The following RDH5 variants were observed in gnomAD, a reference collection of about 807,000 sequenced individuals.
RDH5 encodes the protein 11-cis RDH.
A neutral mutation model predicts 24.0 loss-of-function variants in RDH5; 25 were observed. The ratio of observed to expected loss-of-function variants is 1.04; its 90% CI spans 0.76 to 1.46. The LOEUF (loss-of-function observed/expected upper bound fraction) is 1.46, where lower values mean the gene tolerates loss of function less well. Ranked by LOEUF, RDH5 falls within the 40% of genes most tolerant of loss-of-function variation. The pLI is 0.00. For synonymous variants in RDH5, 170 were observed against 175.2 expected, an observed-to-expected ratio of 0.97 and a Z score of 0.23; for missense variants, 369 against 410.3, an observed-to-expected ratio of 0.90 and a Z score of 0.87.
chr12:55,721,656 C>G lies in RDH5; in HGVS notation c.311-33C>G. 1.2e-6 allele frequency: 2 copies of G among 1,604,508 alleles called. No homozygotes were observed. The highest frequency in any genetic ancestry group is 1.3e-5 in the African/African-American group (1 of 75,042). ...AAGAGGGAGCTGTGGGAGTGCCTCA[C>G]CTACCCCCAGCATCCTTTTCATCTC... On this transcript the variant is annotated intron_variant, in intron 2 of 4. Transcript: ENST00000257895. The surrounding 1 kb of genome is among the most constrained non-coding windows in gnomAD (Gnocchi z 4.7).
intron 3 of RDH5, chr12:55,722,682 C>G (rs919852859): frequency 3.3e-5 from 5 of 151,976 alleles, no homozygotes; most frequent in Non-Finnish European, 5.9e-5. Context: ...CTTACAGGCA[C>G]GTGCCACCAC....
intron 3 of RDH5, chr12:55,722,649 C>A (rs1876982139): frequency 6.6e-6 from 1 of 151,990 alleles, no homozygotes; most frequent in African/African-American, 2.4e-5. Flanking sequence ...GATTCTCCTG[C>A]CTCAGCCTCC....
In RDH5 at chr12:55,721,844, G is replaced by T. The variant is rs1220616311; in HGVS notation, c.466G>T (p.Gly156Cys). ...ALLPLLQQAR[G>C]RVINITSVLG... ...GCTGCCTCTGCTGCAGCAAGCCCGG[G>T]GCCGGGTGATCAACATCACCAGCGT... The change falls in exon 3 of 5, where the codon GGC (glycine) becomes TGC (cysteine). Residue 156 changes from glycine to cysteine, a missense_variant. Transcript: ENST00000257895. This position sits in a 1 kb window ranked among gnomAD's most constrained non-coding sequence, Gnocchi z 4.7. 6 of 1,614,080 alleles carry T rather than the reference G, an allele frequency of 3.7e-6. No homozygotes were observed. In the South Asian group the frequency reaches 6.6e-5, roughly 18 times the overall value.
Position 55,721,712 on chromosome 12 carries a change from G to A in RDH5, c.334G>A (p.Ala112Thr). 6.2e-7 allele frequency: 1 copy of A among 1,612,574 alleles called. No homozygotes were observed. Among genetic ancestry groups the A allele is most frequent in the Non-Finnish European group, 8.5e-7 (1 of 1,180,026 alleles). ...EAGLFGLVNN[A>T]GVAGIIGPTP... ...AGGGCTTTTTGGTCTGGTGAATAAT[G>A]CTGGTGTGGCTGGTATCATCGGACC... Residue 112 changes from alanine to threonine, a missense_variant, in exon 3 of 5, where the codon GCT becomes ACT. Transcript: ENST00000257895. The surrounding 1 kb of genome is among the most constrained non-coding windows in gnomAD (Gnocchi z 4.7).
At chr12:55,724,085 G>C (rs1358340829) in intron 4 of RDH5, 36 bp downstream of exon 4, 2 of 1,597,218 alleles carry the variant, frequency 1.3e-6, no homozygotes, top group Non-Finnish European at 1.7e-6. Context: ...CACATGAAGG[G>C]AAACAAGTAC....
In RDH5 at chr12:55,724,195, G is replaced by A; in HGVS notation, c.734-127G>A. 2.8e-6 allele frequency: 4 copies of A among 1,447,652 alleles called. No homozygotes were observed. In the South Asian group the frequency reaches 3.6e-5, roughly 13 times the overall value. 89.7% of individuals were successfully genotyped at this position (1,447,652 alleles called of 1,614,324 possible). On this transcript the variant is annotated intron_variant, in intron 4 of 4. Coordinates refer to ENST00000257895, the MANE Select transcript of RDH5 (RefSeq NM_002905.5). ...TGTTACAAGAGTGCCCAGGCCATGT[G>A]GAACCTGCCCACTCCCCACACTGAG...
Position 55,721,962 on chromosome 12 carries a change from G to A in RDH5, c.569+15G>A. ...GACAGCCTGAGGTGAGGGGTACAGG[G>A]CTCTGGGTTCCAGGACTAACAGCAG... On this transcript the variant is annotated intron_variant, in intron 3 of 4. Coordinates refer to ENST00000257895, the MANE Select transcript of RDH5 (RefSeq NM_002905.5). This position sits in a 1 kb window ranked among gnomAD's most constrained non-coding sequence, Gnocchi z 4.7. The A allele has an allele frequency of 6.2e-7, 1 of 1,610,986 alleles. No individual in the cohort carries two copies. The highest frequency in any genetic ancestry group is 1.1e-5 in the South Asian group (1 of 90,562).
At position 55,724,441 on chromosome 12, in the gene RDH5, T is replaced by C; in HGVS notation, c.853T>C (p.Trp285Arg). The change falls in exon 5 of 5, where the codon TGG becomes CGG. Residue 285 changes from tryptophan to arginine, a missense_variant. By Grantham distance (101) the Trp-to-Arg change is moderately radical. Transcript: ENST00000257895. ...RHPRTRYSPGWDAKLLWLPAS... is the reference protein window; with the variant it reads ...RHPRTRYSPGRDAKLLWLPAS... ...CCCCCGAACCCGCTACAGCCCAGGT[T>C]GGGATGCCAAGCTGCTCTGGCTGCC... 1 of 1,614,150 alleles carries C rather than the reference T, an allele frequency of 6.2e-7. No homozygotes were observed. The highest frequency in any genetic ancestry group is 8.5e-7 in the Non-Finnish European group (1 of 1,180,020).
chr12:55,724,366 GAC>G lies in RDH5; in HGVS notation c.779_780del (p.Asp260AlafsTer75). ...CATCATGAACCTGATCTGTGACCCG[GAC>G]CTAACCAAGGTGAGCCGATGCCTGG... ...QRIMNLICDP[D>X]LTKVSRCLEH... On this transcript the variant is annotated frameshift_variant, in exon 5 of 5. Transcript: ENST00000257895. LOFTEE classifies it high-confidence loss of function. The G allele has an allele frequency of 6.2e-7, 1 of 1,614,200 alleles. No homozygotes were observed. The highest frequency in any genetic ancestry group is 8.5e-7 in the Non-Finnish European group (1 of 1,180,042).
rs1310522763 is a variant in RDH5 at position 55,721,862 on chromosome 12, A to G, written c.484A>G (p.Thr162Ala). The G allele has an allele frequency of 1.2e-6, 2 of 1,613,796 alleles. No homozygotes were observed. Among genetic ancestry groups the G allele is most frequent in the African/African-American group, 2.7e-5 (2 of 74,890 alleles). ...AGCCCGGGGCCGGGTGATCAACATC[A>G]CCAGCGTCCTGGGTCGCCTGGCAGC... Reference protein sequence around the residue: ...QQARGRVINITSVLGRLAANG... With the variant: ...QQARGRVINIASVLGRLAANG... Residue 162 changes from threonine to alanine, a missense_variant, in exon 3 of 5, where the codon ACC becomes GCC. Thr to Ala is a moderately conservative substitution (Grantham distance 58). Coordinates refer to ENST00000257895, the MANE Select transcript of RDH5 (RefSeq NM_002905.5). The surrounding 1 kb of genome is among the most constrained non-coding windows in gnomAD (Gnocchi z 4.7).
rs61615201 is a variant in RDH5 at position 55,722,263 on chromosome 12, C to T, written c.569+316C>T. ...CCCCGGGGTTCAAGCGATTCTCCTG[C>T]CTCAGCCTCCCGAGTAGCTGGGACT... On this transcript the variant is annotated intron_variant, in intron 3 of 4. Coordinates refer to ENST00000257895, the MANE Select transcript of RDH5 (RefSeq NM_002905.5). 7.9e-3 allele frequency: 2,179 copies of T among 276,260 alleles called. 25 individuals carry two copies. Among genetic ancestry groups the T allele is most frequent in the African/African-American group, 0.033 (1,496 of 45,496 alleles). 17.1% of individuals were successfully genotyped at this position (276,260 alleles called of 1,614,324 possible). A position where few individuals can be genotyped will look rare whatever the true frequency, so the allele number is the denominator to read the frequency against.
Position 55,721,873 on chromosome 12 carries a change from G to C in RDH5, c.495G>C (p.Leu165=). 6.2e-7 allele frequency: 1 copy of C among 1,613,908 alleles called. No individual in the cohort carries two copies. ...RGRVINITSV[L]GRLAANGGGY... is the part of the protein sequence containing the mutation. ...GGGTGATCAACATCACCAGCGTCCT[G>C]GGTCGCCTGGCAGCCAATGGTGGGG... Residue 165 remains leucine, a synonymous_variant, in exon 3 of 5, where the codon CTG becomes CTC. Transcript: ENST00000257895. This position sits in a 1 kb window ranked among gnomAD's most constrained non-coding sequence, Gnocchi z 4.7.
In RDH5 at chr12:55,721,636, G is replaced by T. The variant is rs1192346533; in HGVS notation, c.311-53G>T. 6 of 1,601,642 alleles carry T rather than the reference G, an allele frequency of 3.7e-6. No individual in the cohort carries two copies. The East Asian group carries it at 1.1e-4, about 30-fold the overall frequency. On this transcript the variant is annotated intron_variant, in intron 2 of 4. Transcript: ENST00000257895. This position sits in a 1 kb window ranked among gnomAD's most constrained non-coding sequence, Gnocchi z 4.7. ...TTTCAGATGCTCCCAGGAAGAAGAGGGAGCTGTGGGAGTGCCTCACCTACC... is the reference window on the plus strand; with the variant it reads ...TTTCAGATGCTCCCAGGAAGAAGAGTGAGCTGTGGGAGTGCCTCACCTACC...
At position 55,721,418 on chromosome 12, in the gene RDH5, C is replaced by T; in HGVS notation, c.234C>T (p.Thr78=). ...GGGTGGCCTCCTCCCGCCTCCACACCACCCTGTTGGATATCACTGATCCCC... is the reference window on the plus strand; with the variant it reads ...GGGTGGCCTCCTCCCGCCTCCACACTACCCTGTTGGATATCACTGATCCCC... ...LQRVASSRLH[T]TLLDITDPQS... The change falls in exon 2 of 5, where the codon ACC becomes ACT. Residue 78 remains threonine (T), a synonymous_variant. Coordinates refer to ENST00000257895, the MANE Select transcript of RDH5 (RefSeq NM_002905.5). The surrounding 1 kb of genome is among the most constrained non-coding windows in gnomAD (Gnocchi z 4.7). 6.2e-7 allele frequency: 1 copy of T among 1,613,834 alleles called. No homozygotes were observed. Among genetic ancestry groups the T allele is most frequent in the Non-Finnish European group, 8.5e-7 (1 of 1,180,020 alleles).
Position 55,721,450 on chromosome 12 carries a change from T to C in RDH5, c.266T>C (p.Val89Ala). 1.9e-6 allele frequency: 3 copies of C among 1,612,628 alleles called. No homozygotes were observed. The highest frequency in any genetic ancestry group is 2.5e-6 in the Non-Finnish European group (3 of 1,180,006). The change falls in exon 2 of 5, where the codon GTC becomes GCC. Residue 89 changes from valine to alanine, a missense_variant. By Grantham distance (64) the Val-to-Ala change is moderately conservative. Coordinates refer to ENST00000257895, the MANE Select transcript of RDH5 (RefSeq NM_002905.5). The surrounding 1 kb of genome is among the most constrained non-coding windows in gnomAD (Gnocchi z 4.7). ...TTGGATATCACTGATCCCCAGAGCG[T>C]CCAGCAGGCAGCCAAGTGGGTGGAG... is the stretch of plus-strand genomic sequence containing the variant. ...TLLDITDPQS[V>A]QQAAKWVEMH...
chr12:55,721,044 C>T lies in RDH5; in HGVS notation c.-32-109C>T. ...CATGGTTGGCCAATTATCTGCCAACCAGATAATTTCTCAATATGCTCACAC... is the reference window on the plus strand; with the variant it reads ...CATGGTTGGCCAATTATCTGCCAACTAGATAATTTCTCAATATGCTCACAC... On this transcript the variant is annotated intron_variant, in intron 1 of 4. Transcript: ENST00000257895. This position sits in a 1 kb window ranked among gnomAD's most constrained non-coding sequence, Gnocchi z 4.7. 1.3e-6 allele frequency: 1 copy of T among 759,828 alleles called. No individual in the cohort carries two copies. The highest frequency in any genetic ancestry group is 2.3e-6 in the Non-Finnish European group (1 of 434,640). The allele number at this position is 759,828 out of a possible 1,614,324, so 47.1% of individuals were successfully genotyped here.
Position 55,721,959 on chromosome 12 carries a change from A to C in RDH5, c.569+12A>C, listed in dbSNP as rs567868189. On this transcript the variant is annotated intron_variant, in intron 3 of 4. Transcript: ENST00000257895. This position sits in a 1 kb window ranked among gnomAD's most constrained non-coding sequence, Gnocchi z 4.7. ...TCTGACAGCCTGAGGTGAGGGGTACAGGGCTCTGGGTTCCAGGACTAACAG... is the reference window on the plus strand; with the variant it reads ...TCTGACAGCCTGAGGTGAGGGGTACCGGGCTCTGGGTTCCAGGACTAACAG... The C allele has an allele frequency of 3.1e-6, 5 of 1,611,610 alleles. No homozygotes were observed. In the African/African-American group the frequency reaches 4.0e-5, roughly 13 times the overall value.
Position 55,721,961 on chromosome 12 carries a change from G to A in RDH5, c.569+14G>A. ...TGACAGCCTGAGGTGAGGGGTACAG[G>A]GCTCTGGGTTCCAGGACTAACAGCA... On this transcript the variant is annotated intron_variant, in intron 3 of 4. Coordinates refer to ENST00000257895, the MANE Select transcript of RDH5 (RefSeq NM_002905.5). This position sits in a 1 kb window ranked among gnomAD's most constrained non-coding sequence, Gnocchi z 4.7. The A allele has an allele frequency of 6.2e-7, 1 of 1,611,218 alleles. No individual in the cohort carries two copies. Among genetic ancestry groups the A allele is most frequent in the Non-Finnish European group, 8.5e-7 (1 of 1,179,030 alleles).
chr12:55,724,379 TGAGCC>T lies in RDH5; in HGVS notation c.794_798del (p.Ser265MetfsTer69), dbSNP rs1160697149. 1 of 1,614,030 alleles carries T rather than the reference TGAGCC, an allele frequency of 6.2e-7. No individual in the cohort carries two copies. Among genetic ancestry groups the T allele is most frequent in the Non-Finnish European group, 8.5e-7 (1 of 1,180,036 alleles). On this transcript the variant is annotated frameshift_variant, in exon 5 of 5. Coordinates refer to ENST00000257895, the MANE Select transcript of RDH5 (RefSeq NM_002905.5). LOFTEE classifies it high-confidence loss of function. Reference sequence around the variant, plus strand: ...ATCTGTGACCCGGACCTAACCAAGGTGAGCCGATGCCTGGAGCATGCCCTGACTGC... The same window carrying T: ...ATCTGTGACCCGGACCTAACCAAGGTGATGCCTGGAGCATGCCCTGACTGC...
Sources: gnomAD v4.1 joint callset for allele counts on GRCh38, gnomAD v4.1.1 for gene constraint, Gnocchi (gnomAD v3.1) non-coding constraint, MANE v1.5 for transcripts, NCBI Gene and HGNC (gene_info 2026-07-23, HGNC 2026-07-21) for gene names.